TMPRSS11D: variants seen among roughly 807,000 people sequenced by gnomAD.
TMPRSS11D encodes transmembrane protease serine 11D.
TMPRSS11D carries 32 observed loss-of-function variants against 44.4 expected under a neutral mutation model. The observed-to-expected ratio is 0.72, with a 90% CI of 0.54 to 0.97. The LOEUF (loss-of-function observed/expected upper bound fraction) is 0.97, where lower values mean the gene tolerates loss of function less well. Ranked by LOEUF, TMPRSS11D falls within the 50% of genes least tolerant of loss-of-function variation. The pLI, the probability that TMPRSS11D is intolerant of heterozygous loss-of-function variation, is 0.00. For missense variants in TMPRSS11D, 446 were observed against 502.6 expected, an observed-to-expected ratio of 0.89 and a Z score of 1.08; for synonymous variants, 179 against 177.9, an observed-to-expected ratio of 1.01 and a Z score of -0.05.
intron 3 of TMPRSS11D, among the ~76,000 whole-genome samples, chr4:67,843,826 G>A (rs150295410): frequency 6.6e-6 from 1 of 152,188 alleles, no homozygotes; most frequent in South Asian, 2.1e-4. Context: ...GGGAGGCTGA[G>A]GCAGGAGAAT....
At chr4:67,854,354 AT>A (rs1308044567) in intron 2 of TMPRSS11D, among the ~76,000 whole-genome samples, 168 bp from the exon 3 acceptor site, 4 of 152,154 alleles carry the variant, frequency 2.6e-5, no homozygotes, top group African/African-American at 9.7e-5. Context: ...TATCTTTTCA[AT>A]TTTTAAAAAG....
chr4:67,851,835 C>G (rs560606153), intron 3 of TMPRSS11D, among the ~76,000 whole-genome samples: 1 of 152,210 alleles, frequency 6.6e-6, no homozygotes, highest in African/African-American at 2.4e-5. Context: ...TTGCCAAGTT[C>G]TGTGGATCCT....
intron 1 of TMPRSS11D, among the ~76,000 whole-genome samples, chr4:67,878,376 T>C (rs555716176): frequency 1.6e-4 from 24 of 152,350 alleles, no homozygotes; most frequent in African/African-American, 5.8e-4. Context: ...TCTACTGAGA[T>C]TTCCACAGAG....
At chr4:67,850,158 G>GA (rs1406279272) in intron 3 of TMPRSS11D, among the ~76,000 whole-genome samples, 1 of 151,980 alleles carries the variant, frequency 6.6e-6, no homozygotes, top group Non-Finnish European at 1.5e-5. Context: ...TTAGAGTACA[G>GA]AAAAAAAGAC....
intron 1 of TMPRSS11D, chr4:67,860,259 A>G (rs1179698741): frequency 6.6e-6 from 1 of 152,464 alleles, no homozygotes; most frequent in East Asian, 1.9e-4. Flanking sequence ...AATGAAACAG[A>G]ACTGCTCCAA....
chr4:67,864,044 G>A (rs1718857851), intron 1 of TMPRSS11D, among the ~76,000 whole-genome samples: 1 of 151,610 alleles, frequency 6.6e-6, no homozygotes, highest in African/African-American at 2.4e-5. Flanking sequence ...ACTATAAAGG[G>A]CTAAATAACC....
chr4:67,875,098 G>C (rs1012131420), intron 1 of TMPRSS11D, among the ~76,000 whole-genome samples: 5 of 152,180 alleles, frequency 3.3e-5, no homozygotes, highest in African/African-American at 1.2e-4. Context: ...AAAGAATCAA[G>C]CTTCTCAGTT....
intron 1 of TMPRSS11D, among the ~76,000 whole-genome samples, chr4:67,867,659 TGGGCTAAGGACATGAATA>T: frequency 6.6e-6 from 1 of 151,468 alleles, no homozygotes; most frequent in East Asian, 1.9e-4. Flanking sequence ...CCTTAAAGAG[TGGGCTAAGGACATGAATA>T]GACATTTCTC....
intron 1 of TMPRSS11D, among the ~76,000 whole-genome samples, chr4:67,863,706 G>GT (rs1718850521): frequency 2.1e-5 from 3 of 143,858 alleles, no homozygotes; most frequent in Non-Finnish European, 4.6e-5. Context: ...CACATTAATC[G>GT]TAACTATTTT....
chr4:67,825,522 C>T (rs1717769753), intron 9 of TMPRSS11D, among the ~76,000 whole-genome samples: 2 of 152,048 alleles, frequency 1.3e-5, no homozygotes, highest in African/African-American at 4.8e-5. Flanking sequence ...TGGTTAACTA[C>T]TCTGTAATTT....
intron 2 of TMPRSS11D, 129 bp from the exon 3 acceptor site, chr4:67,854,315 A>G (rs1718581784): frequency 1.9e-6 from 1 of 525,582 alleles, no homozygotes; most frequent in Non-Finnish European, 3.3e-6. Flanking sequence ...AAAAAGTTCT[A>G]TGCTTCAGTG....
intron 1 of TMPRSS11D, among the ~76,000 whole-genome samples, chr4:67,871,750 GT>G (rs1719066249): frequency 6.6e-6 from 1 of 152,112 alleles, no homozygotes; most frequent in African/African-American, 2.4e-5. Flanking sequence ...GGCCTTTTGT[GT>G]CTGCAAATGA....
At chr4:67,823,839 G>T (rs146435545) in intron 9 of TMPRSS11D, among the ~76,000 whole-genome samples, 9 of 152,070 alleles carry the variant, frequency 5.9e-5, no homozygotes, top group African/African-American at 1.9e-4. Flanking sequence ...TTTTTCTATA[G>T]TGAGAAATTA....
chr4:67,854,978 C>T (rs563863747), intron 2 of TMPRSS11D, among the ~76,000 whole-genome samples: 1 of 148,586 alleles, frequency 6.7e-6, no homozygotes, highest in Admixed American at 6.8e-5. Context: ...TACTACAGGC[C>T]GGGTGCAGTG....
intron 1 of TMPRSS11D, among the ~76,000 whole-genome samples, chr4:67,867,116 A>G (rs1239709668): frequency 6.6e-6 from 1 of 152,144 alleles, no homozygotes; most frequent in Non-Finnish European, 1.5e-5. Flanking sequence ...ACAGCATCAT[A>G]CTGGCATAAA....
chr4:67,832,619 T>C (rs1434413433), intron 7 of TMPRSS11D, among the ~76,000 whole-genome samples: 1 of 151,058 alleles, frequency 6.6e-6, no homozygotes, highest in African/African-American at 2.4e-5. Context: ...AACATTCGAG[T>C]GTAAGCTCTT....
chr4:67,857,314 TATATATATACACAC>T (rs1190364886), intron 2 of TMPRSS11D, among the ~76,000 whole-genome samples: 6 of 1,204 alleles, frequency 5.0e-3, no homozygotes, highest in Admixed American at 0.021. Context: ...TATATATATA[TATATATATACACAC>T]ACACACACAC....
intron 2 of TMPRSS11D, among the ~76,000 whole-genome samples, chr4:67,859,133 A>C (rs1718731802): frequency 6.6e-6 from 1 of 152,158 alleles, no homozygotes; most frequent in Non-Finnish European, 1.5e-5. Flanking sequence ...ACTTAGGTAC[A>C]TCCAAATTTT....
intron 1 of TMPRSS11D, among the ~76,000 whole-genome samples, chr4:67,873,184 G>T (rs566554018): frequency 6.6e-6 from 1 of 152,122 alleles, no homozygotes; most frequent in Non-Finnish European, 1.5e-5. Flanking sequence ...TCTGTAGCCC[G>T]AACTGATGAA....
Sources: gnomAD v4.1 joint callset for allele counts (sites outside exome capture counted in the v4.1 genomes callset) on GRCh38, gnomAD v4.1.1 for gene constraint, MANE v1.5 for transcripts, NCBI Gene and HGNC (gene_info 2026-07-23, HGNC 2026-07-21) for gene names.